OSMR: variants seen among roughly 807,000 people sequenced by gnomAD.
OSMR encodes oncostatin-M-specific receptor subunit beta.
OSMR carries 81 observed loss-of-function variants against 99.9 expected under a neutral mutation model. The ratio of observed to expected loss-of-function variants is 0.81; its 90% CI spans 0.68 to 0.97. The LOEUF (loss-of-function observed/expected upper bound fraction) is 0.97, where lower values mean the gene tolerates loss of function less well. OSMR is among the 50% of genes least tolerant of loss of function. The pLI, the probability that OSMR is intolerant of heterozygous loss-of-function variation, is 0.00. For synonymous variants in OSMR, 406 were observed against 410.4 expected (o/e 0.99, Z 0.13); for missense variants, 1,099 against 1,153.4 (o/e 0.95, Z 0.68).
chr5:38,889,307 C>CT (rs1479688602), intron 7 of OSMR, among the ~76,000 whole-genome samples: 24 of 152,104 alleles, frequency 1.6e-4, no homozygotes, highest in African/African-American at 5.5e-4. Flanking sequence ...TAGATTGAAT[C>CT]TTTTTTCTGA....
chr5:38,872,682 G>A (rs1415404769), intron 2 of OSMR, among the ~76,000 whole-genome samples: 1 of 152,028 alleles, frequency 6.6e-6, no homozygotes, highest in African/African-American at 2.4e-5. Flanking sequence ...AAAGTATAAA[G>A]AAGAAAATTA....
At chr5:38,861,181 AGG>A (rs1741262538) in intron 1 of OSMR, among the ~76,000 whole-genome samples, 1 of 152,124 alleles carries the variant, frequency 6.6e-6, no homozygotes, top group Non-Finnish European at 1.5e-5. Flanking sequence ...GGGATTTGGC[AGG>A]GTCATAGGAC....
chr5:38,942,142 A>G, intron 1 of OSMR: 1 of 427,252 alleles, frequency 2.3e-6, no homozygotes, highest in Non-Finnish European at 4.3e-6. Context: ...TTTGGTTAGG[A>G]AAGTCAGCAG....
At chr5:38,919,966 AGTT>A in intron 11 of OSMR, among the ~76,000 whole-genome samples, 1 of 152,170 alleles carries the variant, frequency 6.6e-6, no homozygotes, top group East Asian at 1.9e-4. Flanking sequence ...TTGGTTTAGG[AGTT>A]GTTTAGTGTA....
intron 12 of OSMR, 152 bp downstream of exon 12, chr5:38,921,946 C>T (rs140061634): frequency 2.9e-6 from 2 of 684,954 alleles, no homozygotes; most frequent in South Asian, 3.6e-5. Context: ...TCAGATGTTA[C>T]AAGAATATGT....
chr5:38,918,842 A>T lies in OSMR; in HGVS notation c.1365A>T (p.Pro455=). The T allele has an allele frequency of 6.2e-7, 1 of 1,613,944 alleles. No individual in the cohort carries two copies. The highest frequency in any genetic ancestry group is 8.5e-7 in the Non-Finnish European group (1 of 1,179,832). The change falls in exon 11 of 18, where the codon CCA becomes CCT. Residue 455 remains proline, a splice_region_variant and synonymous_variant. Transcript: ENST00000274276. ...GNHTVTLFWK[P]LSKLHANGKI... is the part of the protein sequence containing the mutation. ...ATGTTTATCAATATTTTTTTCAGCCATTATCAAAACTGCATGCCAATGGAA... is the reference window on the plus strand; with the variant it reads ...ATGTTTATCAATATTTTTTTCAGCCTTTATCAAAACTGCATGCCAATGGAA...
intron 1 of OSMR, among the ~76,000 whole-genome samples, chr5:38,853,469 A>C (rs1740597226): frequency 6.6e-6 from 1 of 152,206 alleles, no homozygotes; most frequent in South Asian, 2.1e-4. Flanking sequence ...ATTTGACCCT[A>C]AGCATTTTAT....
chr5:38,915,737 A>G (rs1382492468), intron 9 of OSMR, among the ~76,000 whole-genome samples: 1 of 152,262 alleles, frequency 6.6e-6, no homozygotes, highest in Non-Finnish European at 1.5e-5. Flanking sequence ...AGTAAACATT[A>G]AAAATAGAAG....
intron 15 of OSMR, among the ~76,000 whole-genome samples, chr5:38,929,906 GCTACTCTATATTTAC>G (rs1419321794): frequency 6.6e-6 from 1 of 152,182 alleles, no homozygotes; most frequent in Admixed American, 6.5e-5. Flanking sequence ...TCCACAGGTA[GCTACTCTATATTTAC>G]CTTATCTTAG....
rs113196761 is a variant in OSMR at position 38,922,782 on chromosome 5, G to A, written c.1766-368G>A. Reference sequence around the variant, plus strand: ...AAATTTATTTTTCATTCTTTTTTGGGGGGTGTGGTGGGGAACAGACTGTTG... The same window carrying A: ...AAATTTATTTTTCATTCTTTTTTGGAGGGTGTGGTGGGGAACAGACTGTTG... On this transcript the variant is annotated intron_variant, in intron 12 of 17. Coordinates refer to ENST00000274276, the MANE Select transcript of OSMR (RefSeq NM_003999.3). 4.1e-3 allele frequency among the ~76,000 whole-genome samples: 620 copies of A among 152,132 alleles called. 3 individuals carry two copies. Among genetic ancestry groups the A allele is most frequent in the African/African-American group, 0.014 (593 of 41,506 alleles).
At chr5:38,925,037 G>T in intron 14 of OSMR, 167 bp from the exon 15 acceptor site, 1 of 981,314 alleles carries the variant, frequency 1.0e-6, no homozygotes, top group Non-Finnish European at 1.2e-6. Context: ...ATTTTACCTG[G>T]TGTGCCCATG....
rs1579821662 is a variant in OSMR at position 38,933,690 on chromosome 5, A to G, written c.*246A>G. On this transcript the variant is annotated 3_prime_UTR_variant, in exon 18 of 18. Coordinates refer to ENST00000274276, the MANE Select transcript of OSMR (RefSeq NM_003999.3). ...ATGCTTACCTTCTGCTGTTTGTTCCAGGCTCACCTTTAGAACAGGAGACTT... is the reference window on the plus strand; with the variant it reads ...ATGCTTACCTTCTGCTGTTTGTTCCGGGCTCACCTTTAGAACAGGAGACTT... 6 of 544,886 alleles carry G rather than the reference A, an allele frequency of 1.1e-5. No homozygotes were observed. The highest frequency in any genetic ancestry group is 3.2e-5 in the East Asian group (1 of 31,236). 33.8% of individuals were successfully genotyped at this position (544,886 alleles called of 1,614,324 possible). A position where few individuals can be genotyped will look rare whatever the true frequency, so the allele number is the denominator to read the frequency against.
intron 1 of OSMR, chr5:38,942,707 T>C (rs746910089): frequency 9.5e-6 from 7 of 738,074 alleles, no homozygotes; most frequent in Non-Finnish European, 1.4e-5. Flanking sequence ...TCTCCCGCGC[T>C]GACCCCACAA....
chr5:38,912,695 C>T (rs1386662070), intron 9 of OSMR, among the ~76,000 whole-genome samples: 2 of 152,056 alleles, frequency 1.3e-5, no homozygotes, highest in Non-Finnish European at 2.9e-5. Context: ...ATTACAGTAA[C>T]CAAAACATCA....
intron 7 of OSMR, among the ~76,000 whole-genome samples, chr5:38,891,039 G>C (rs540726923): frequency 2.0e-5 from 3 of 152,318 alleles, no homozygotes; most frequent in Admixed American, 2.0e-4. Context: ...TTTAGATGGT[G>C]ATTAGCCACC....
intron 7 of OSMR, among the ~76,000 whole-genome samples, chr5:38,894,593 C>CA (rs58535203): frequency 0.67 from 101,979 of 151,142 alleles, 34,876 homozygotes; most frequent in African/African-American, 0.79. Context: ...TTAAAAAAGA[C>CA]AAAAAAAAGG....
chr5:38,923,238 A>C lies in OSMR; in HGVS notation c.1854A>C (p.Gly618=), dbSNP rs896599092. The part of the protein sequence containing the change: ...RIACLLEKKT[G]YSQELAPSDN... ...CTTGTTTATTAGAGAAAAAAACAGG[A>C]TACTCTCAGGAACTTGGTAAGTTTA... Residue 618 remains glycine, a synonymous_variant, in exon 13 of 18, where the codon GGA becomes GGC. Coordinates refer to ENST00000274276, the MANE Select transcript of OSMR (RefSeq NM_003999.3). 2 of 1,596,956 alleles carry C rather than the reference A, an allele frequency of 1.3e-6. No individual in the cohort carries two copies. Among genetic ancestry groups the C allele is most frequent in the South Asian group, 1.1e-5 (1 of 90,722 alleles).
At chr5:38,937,313 G>A (rs1380904524), downstream of OSMR, among the ~76,000 whole-genome samples, 1 of 152,212 alleles carries the variant, frequency 6.6e-6, no homozygotes, top group Non-Finnish European at 1.5e-5. The surrounding 1 kb of genome is among the most constrained non-coding windows in gnomAD (Gnocchi z 4.0). Flanking sequence ...CGTTACAGGC[G>A]TGAGCCACCG....
chr5:38,892,999 CA>C (rs1744257492), intron 7 of OSMR, among the ~76,000 whole-genome samples: 1 of 152,196 alleles, frequency 6.6e-6, no homozygotes. Flanking sequence ...CCACATTTGT[CA>C]CCCTACCTCT....
Sources: gnomAD v4.1 joint callset for allele counts (sites outside exome capture counted in the v4.1 genomes callset) on GRCh38, gnomAD v4.1.1 for gene constraint, Gnocchi (gnomAD v3.1) non-coding constraint, MANE v1.5 for transcripts, NCBI Gene and HGNC (gene_info 2026-07-23, HGNC 2026-07-21) for gene names.